VTCN1: variants seen among roughly 807,000 people sequenced by gnomAD.
VTCN1 encodes the protein V-set domain-containing T-cell activation inhibitor 1.
VTCN1 carries 26 observed loss-of-function variants against 26.5 expected under a neutral mutation model. The ratio of observed to expected loss-of-function variants is 0.98; its 90% CI spans 0.72 to 1.36. VTCN1 has a LOEUF of 1.36. Among genes scored for constraint, VTCN1 ranks in the 40% most tolerant of loss-of-function variants. VTCN1 has a pLI of 0.00. For synonymous variants in VTCN1, 116 were observed against 130.7 expected (o/e 0.89, Z 0.77); for missense variants, 298 against 337.7 (o/e 0.88, Z 0.92).
At chr1:117,154,715 G>A (rs1213220258) in intron 3 of VTCN1, among the ~76,000 whole-genome samples, 13 of 148,758 alleles carry the variant, frequency 8.7e-5, no homozygotes, top group East Asian at 4.0e-4. Flanking sequence ...CCTGGGAGGC[G>A]CAGGTTGCTG....
chr1:117,206,584 C>T (rs1290796626), intron 1 of VTCN1, among the ~76,000 whole-genome samples: 1 of 152,138 alleles, frequency 6.6e-6, no homozygotes, highest in East Asian at 1.9e-4. Flanking sequence ...TACATTGCCT[C>T]CCTACAACAA....
Position 117,147,534 on chromosome 1 carries a change from G to C in VTCN1, c.*45+79C>G. On this transcript the variant is annotated intron_variant, in intron 5 of 5. Transcript: ENST00000369458. This position sits in a 1 kb window ranked among gnomAD's most constrained non-coding sequence, Gnocchi z 4.6. Reference sequence around the variant, plus strand: ...TTAAATGTTTCTTTCTGTGGCTGATGCTGAAGGCTATCCGACTCTCATTAG... The same window carrying C: ...TTAAATGTTTCTTTCTGTGGCTGATCCTGAAGGCTATCCGACTCTCATTAG... 1 of 1,208,978 alleles carries C rather than the reference G, an allele frequency of 8.3e-7. No individual in the cohort carries two copies. The highest frequency in any genetic ancestry group is 1.6e-5 in the South Asian group (1 of 64,154). The allele number at this position is 1,208,978 out of a possible 1,614,324, so 74.9% of individuals were successfully genotyped here. A position where few individuals can be genotyped will look rare whatever the true frequency, so the allele number is the denominator to read the frequency against.
chr1:117,170,221 T>G, intron 1 of VTCN1, 50 bp from the exon 2 acceptor site: 1 of 1,549,082 alleles, frequency 6.5e-7, no homozygotes, highest in Non-Finnish European at 8.9e-7. Context: ...TTCCTCTTGA[T>G]GTGCTGCTTT....
At chr1:117,148,153 T>C (rs1004796442) in intron 4 of VTCN1, among the ~76,000 whole-genome samples, 2 of 152,236 alleles carry the variant, frequency 1.3e-5, no homozygotes, top group Non-Finnish European at 2.9e-5. Context: ...ACATTAGCTT[T>C]CATCATACCA....
In VTCN1 at chr1:117,161,089, G is replaced by A. The variant is rs1453547914; in HGVS notation, c.98-4168C>T. Among the ~76,000 whole-genome samples, 1 of 152,166 alleles carries A rather than the reference G, an allele frequency of 6.6e-6. No individual in the cohort carries two copies. Among genetic ancestry groups the A allele is most frequent in the African/African-American group, 2.4e-5 (1 of 41,428 alleles). On this transcript the variant is annotated intron_variant, in intron 2 of 5. Coordinates refer to ENST00000369458, the MANE Select transcript of VTCN1 (RefSeq NM_024626.4). This position sits in a 1 kb window ranked among gnomAD's most constrained non-coding sequence, Gnocchi z 4.3. ...CATTCCTGTGGGAGATCTGGGAGAC[G>A]AATTATGAAAGAGGACAAAATGAAG... is the stretch of plus-strand genomic sequence containing the variant.
intron 4 of VTCN1, among the ~76,000 whole-genome samples, chr1:117,150,572 G>C (rs1651734507): frequency 6.6e-6 from 1 of 152,036 alleles, no homozygotes; most frequent in Non-Finnish European, 1.5e-5. Flanking sequence ...GATGGTGCAA[G>C]AGCTCTCGCT....
chr1:117,170,348 C>T (rs1334393880), intron 1 of VTCN1, 177 bp from the exon 2 acceptor site: 6 of 710,928 alleles, frequency 8.4e-6, no homozygotes, highest in Non-Finnish European at 1.6e-5. Flanking sequence ...TTCAGCAATT[C>T]CATCCCCATC....
At chr1:117,151,298 G>C (rs1651778997) in intron 4 of VTCN1, among the ~76,000 whole-genome samples, 1 of 150,352 alleles carries the variant, frequency 6.7e-6, no homozygotes, top group African/African-American at 2.5e-5. Context: ...GGAGTTGTTT[G>C]TTCCTCCCAG....
At chr1:117,174,289 G>A (rs2101534347) in intron 1 of VTCN1, among the ~76,000 whole-genome samples, 1 of 152,276 alleles carries the variant, frequency 6.6e-6, no homozygotes, top group Non-Finnish European at 1.5e-5. Flanking sequence ...TGGAGGACTT[G>A]CTCATTCAGT....
At chr1:117,188,112 C>T (rs1046907562) in intron 1 of VTCN1, among the ~76,000 whole-genome samples, 1 of 152,098 alleles carries the variant, frequency 6.6e-6, no homozygotes, top group Non-Finnish European at 1.5e-5. Context: ...CAAAGCTTAA[C>T]TTGAAGAGCT....
rs573755998 is a variant in VTCN1, at chr1:117,206,325, A to G, written c.32+4499T>C. Among the ~76,000 whole-genome samples, 9 of 152,248 alleles carry G rather than the reference A, an allele frequency of 5.9e-5. No individual in the cohort carries two copies. In the East Asian group the frequency reaches 1.7e-3, roughly 29 times the overall value. On this transcript the variant is annotated intron_variant, in intron 1 of 5. Coordinates refer to ENST00000369458, the MANE Select transcript of VTCN1 (RefSeq NM_024626.4). ...TGGAGTCGTGAAATTGAAGTTAACAAATTTTTATGGAGAGCCAACCAAGAA... is the reference window on the plus strand; with the variant it reads ...TGGAGTCGTGAAATTGAAGTTAACAGATTTTTATGGAGAGCCAACCAAGAA...
chr1:117,196,399 TATATAG>T (rs1194027686), intron 1 of VTCN1, among the ~76,000 whole-genome samples: 3 of 147,604 alleles, frequency 2.0e-5, no homozygotes, highest in Admixed American at 1.3e-4. Context: ...CATATATATA[TATATAG>T]AGAGAGAGAG....
chr1:117,192,302 G>C (rs1392670535), intron 1 of VTCN1, among the ~76,000 whole-genome samples: 1 of 151,952 alleles, frequency 6.6e-6, no homozygotes, highest in Admixed American at 6.6e-5. Flanking sequence ...TAACAAAACT[G>C]TCCTTCAGAA....
intron 1 of VTCN1, among the ~76,000 whole-genome samples, chr1:117,186,040 T>C (rs1287766613): frequency 1.3e-5 from 2 of 152,244 alleles, no homozygotes; most frequent in African/African-American, 2.4e-5. Context: ...AAGACCTGTC[T>C]CAGATACTTT....
Position 117,210,826 on chromosome 1 carries a change from C to T in VTCN1, c.30G>A (p.Trp10Ter). The change falls in exon 1 of 6, where the codon TGG becomes TGA. Residue 10 changes from tryptophan (W) to a stop codon, truncating the protein, a stop_gained and splice_region_variant. Transcript: ENST00000369458. LOFTEE classifies it high-confidence loss of function. ...ATAGAGAGAAGAGTATATACTACCT[C>T]CAGAAGAGGATCTGCCCCAGGGAAG... is the stretch of plus-strand genomic sequence containing the variant. MASLGQILF[W>*]SIISIIIILA... The T allele has an allele frequency of 6.2e-7, 1 of 1,614,146 alleles. No homozygotes were observed. The highest frequency in any genetic ancestry group is 1.1e-5 in the South Asian group (1 of 91,084).
At chr1:117,182,069 G>C (rs1003385556) in intron 1 of VTCN1, among the ~76,000 whole-genome samples, 5 of 152,174 alleles carry the variant, frequency 3.3e-5, no homozygotes, top group Admixed American at 6.5e-5. Context: ...CTAGCCCTGG[G>C]ATCAGTGCAC....
chr1:117,200,475 A>G (rs780527343), intron 1 of VTCN1, among the ~76,000 whole-genome samples: 1 of 152,214 alleles, frequency 6.6e-6, no homozygotes, highest in Non-Finnish European at 1.5e-5. Flanking sequence ...CCAGGACTTC[A>G]GTATTAAGTT....
At chr1:117,151,443 T>C (rs966456104) in intron 4 of VTCN1, among the ~76,000 whole-genome samples, 6 of 152,188 alleles carry the variant, frequency 3.9e-5, no homozygotes, top group Admixed American at 2.6e-4. Flanking sequence ...CACCAAACCC[T>C]GCACATCACA....
intron 1 of VTCN1, among the ~76,000 whole-genome samples, chr1:117,195,386 A>G (rs1648458764): frequency 6.6e-6 from 1 of 151,992 alleles, no homozygotes; most frequent in South Asian, 2.1e-4. Flanking sequence ...GAGGTAAAGT[A>G]TATGTGTTAA....
Sources: gnomAD v4.1 joint callset for allele counts (sites outside exome capture counted in the v4.1 genomes callset) on GRCh38, gnomAD v4.1.1 for gene constraint, Gnocchi (gnomAD v3.1) non-coding constraint, MANE v1.5 for transcripts, NCBI Gene and HGNC (gene_info 2026-07-23, HGNC 2026-07-21) for gene names.